CD109: variants seen among roughly 807,000 people sequenced by gnomAD.
The protein encoded by CD109 is CD109 molecule, also known as CD109 antigen.
CD109 carries 149 observed loss-of-function variants against 165.8 expected under a neutral mutation model. The ratio of observed to expected loss-of-function variants is 0.90; its 90% confidence interval spans 0.79 to 1.03. The LOEUF is 1.03. Ranked by LOEUF, CD109 falls within the 50% of genes least tolerant of loss-of-function variation. The probability of loss-of-function intolerance (pLI) is 0.00; values close to 1 mark genes in which losing one functional copy is unlikely to be tolerated. For synonymous variants in CD109, 585 were observed against 592.1 expected, an observed-to-expected ratio of 0.99 and a Z score of 0.18; for missense variants, 1,712 against 1,677.8, an observed-to-expected ratio of 1.02 and a Z score of -0.36.
chr6:73,730,695 C>G, intron 4 of CD109, 121 bp downstream of exon 4: 1 of 672,416 alleles, frequency 1.5e-6, no homozygotes, highest in Non-Finnish European at 2.5e-6. Context: ...AAGCTTCCCT[C>G]CCAACATGGA....
intron 17 of CD109, 57 bp downstream of exon 17, chr6:73,781,376 C>A (rs1006977375): frequency 1.5e-5 from 20 of 1,349,506 alleles, no homozygotes; most frequent in African/African-American, 2.9e-5. Flanking sequence ...TTCAACATTA[C>A]TTATATAGGT....
intron 23 of CD109, among the ~76,000 whole-genome samples, chr6:73,797,874 C>T (rs7762920): frequency 0.54 from 82,284 of 151,986 alleles, 22,783 homozygotes; most frequent in African/African-American, 0.66. Flanking sequence ...TTCTGCATTT[C>T]AATTTTCAGA....
chr6:73,767,948 T>C, intron 13 of CD109, 107 bp from the exon 14 acceptor site: 3 of 932,890 alleles, frequency 3.2e-6, no homozygotes, highest in South Asian at 3.0e-5. Flanking sequence ...TTGAAGCTGG[T>C]TTAATTCAAG....
At chr6:73,803,763 C>T (rs935480384) in intron 24 of CD109, among the ~76,000 whole-genome samples, 5 of 151,994 alleles carry the variant, frequency 3.3e-5, no homozygotes, top group Non-Finnish European at 1.5e-5. Context: ...TTCCTCCAGA[C>T]TGGAATCTCT....
chr6:73,745,147 G>C (rs1772933607), intron 5 of CD109, among the ~76,000 whole-genome samples: 2 of 152,132 alleles, frequency 1.3e-5, no homozygotes, highest in South Asian at 4.1e-4. Context: ...TGTCACCCAG[G>C]CTGGAGTGCA....
intron 28 of CD109, 28 bp from the exon 29 acceptor site, chr6:73,812,177 T>C: frequency 6.6e-7 from 1 of 1,508,124 alleles, no homozygotes; most frequent in East Asian, 2.3e-5. Flanking sequence ...AAAATTAGCC[T>C]CATTCACTTT....
chr6:73,762,935 A>G (rs1773690382), intron 9 of CD109, 53 bp downstream of exon 9: 5 of 1,461,006 alleles, frequency 3.4e-6, no homozygotes, highest in Non-Finnish European at 4.6e-6. Context: ...CTGCTTTATC[A>G]TCTTTCTTAT....
intron 30 of CD109, among the ~76,000 whole-genome samples, chr6:73,817,172 T>C (rs1775967076): frequency 6.6e-6 from 1 of 152,200 alleles, no homozygotes; most frequent in African/African-American, 2.4e-5. Context: ...TCCAAGACCT[T>C]ACCTCATACC....
intron 5 of CD109, among the ~76,000 whole-genome samples, chr6:73,754,294 A>AG (rs1383032283): frequency 1.3e-5 from 2 of 152,308 alleles, no homozygotes; most frequent in East Asian, 3.9e-4. Context: ...GAGTGGGAAG[A>AG]GGGCTCAGCA....
At chr6:73,805,746 C>G (rs1048013280) in intron 24 of CD109, among the ~76,000 whole-genome samples, 1 of 152,142 alleles carries the variant, frequency 6.6e-6, no homozygotes, top group Non-Finnish European at 1.5e-5. Context: ...GGTGATGACT[C>G]TTAACGAGCA....
At chr6:73,714,010 AGTTAT>A (rs1373810439) in intron 2 of CD109, among the ~76,000 whole-genome samples, 8 of 152,152 alleles carry the variant, frequency 5.3e-5, no homozygotes, top group Non-Finnish European at 1.2e-4. Flanking sequence ...TGCTTCCTCC[AGTTAT>A]GGAGCTAGCA....
At chr6:73,782,168 A>G (rs953208786) in intron 17 of CD109, among the ~76,000 whole-genome samples, 2 of 152,102 alleles carry the variant, frequency 1.3e-5, no homozygotes, top group South Asian at 2.1e-4. Flanking sequence ...TCTTGCCCCA[A>G]CAGGACACCT....
intron 4 of CD109, among the ~76,000 whole-genome samples, chr6:73,735,905 C>G (rs1772521899): frequency 6.6e-6 from 1 of 152,120 alleles, no homozygotes; most frequent in South Asian, 2.1e-4. Flanking sequence ...GTTATCTCTA[C>G]AGTTAAATTT....
intron 28 of CD109, 142 bp downstream of exon 28, chr6:73,811,289 T>C (rs1775751356): frequency 4.1e-6 from 4 of 981,678 alleles, no homozygotes; most frequent in Non-Finnish European, 5.7e-6. Context: ...GTGCCCTTCT[T>C]TGGCTGAATT....
At chr6:73,754,900 C>T (rs1773328220) in intron 5 of CD109, among the ~76,000 whole-genome samples, 1 of 152,194 alleles carries the variant, frequency 6.6e-6, no homozygotes. Context: ...ATGTCTGTCT[C>T]CACCACTAGA....
At position 73,717,840 on chromosome 6, in the gene CD109, C is replaced by T. The variant is rs571725251; in HGVS notation, c.248-5411C>T. Among the ~76,000 whole-genome samples the T allele has an allele frequency of 6.5e-4, 98 of 151,678 alleles. 1 individual carries two copies. The highest frequency in any genetic ancestry group is 2.2e-3 in the African/African-American group (92 of 41,418). On this transcript the variant is annotated intron_variant, in intron 2 of 32. Coordinates refer to ENST00000287097, the MANE Select transcript of CD109 (RefSeq NM_133493.5). Reference sequence around the variant, plus strand: ...TTCACCGTGTTAACCAGGACGGTCTCGATCTCCTGACCTCGTGATCCGCCC... The same window carrying T: ...TTCACCGTGTTAACCAGGACGGTCTTGATCTCCTGACCTCGTGATCCGCCC...
intron 2 of CD109, among the ~76,000 whole-genome samples, chr6:73,715,419 G>A (rs1207260580): frequency 6.6e-6 from 1 of 151,792 alleles, no homozygotes; most frequent in Non-Finnish European, 1.5e-5. Context: ...AAAAAAATTA[G>A]CCAGGCATGG....
intron 30 of CD109, among the ~76,000 whole-genome samples, chr6:73,817,169 C>T (rs1775966783): frequency 6.6e-6 from 1 of 152,140 alleles, no homozygotes; most frequent in African/African-American, 2.4e-5. Flanking sequence ...GGGTCCAAGA[C>T]CTTACCTCAT....
In CD109 at chr6:73,738,232, C is replaced by A. The variant is rs574967915; in HGVS notation, c.633+1724C>A. Among the ~76,000 whole-genome samples the A allele has an allele frequency of 1.3e-4, 20 of 152,346 alleles. No individual in the cohort carries two copies. The South Asian group carries it at 3.9e-3, about 30-fold the overall frequency. ...GGGGCCAGCTGCTCCTTCTGTCTCC[C>A]ATGGTCTGCTCTGTTCTCCTTTCAC... On this transcript the variant is annotated intron_variant, in intron 5 of 32. Coordinates refer to ENST00000287097, the MANE Select transcript of CD109 (RefSeq NM_133493.5).
Sources: gnomAD v4.1 joint callset for allele counts (sites outside exome capture counted in the v4.1 genomes callset) on GRCh38, gnomAD v4.1.1 for gene constraint, MANE v1.5 for transcripts, NCBI Gene and HGNC (gene_info 2026-07-23, HGNC 2026-07-21) for gene names.